CNTFR: variants seen among roughly 807,000 people sequenced by gnomAD.
The protein encoded by CNTFR is ciliary neurotrophic factor receptor, also known as ciliary neurotrophic factor receptor subunit alpha.
CNTFR carries 12 observed loss-of-function variants against 40.4 expected under a neutral mutation model. That is an observed-to-expected ratio of 0.30 (90% CI 0.19 to 0.48). CNTFR has a LOEUF of 0.48. Ranked by LOEUF, CNTFR falls within the 20% of genes least tolerant of loss-of-function variation. The pLI, the probability that CNTFR is intolerant of heterozygous loss-of-function variation, is 0.99. For missense variants in CNTFR, 414 were observed against 506.8 expected (o/e 0.82, Z 1.76); for synonymous variants, 202 against 209.6 (o/e 0.96, Z 0.31).
intron 4 of CNTFR, among the ~76,000 whole-genome samples, chr9:34,561,922 C>G (rs1282211856): frequency 6.6e-6 from 1 of 152,240 alleles, no homozygotes; most frequent in Non-Finnish European, 1.5e-5. Flanking sequence ...CAGCCTTCAT[C>G]TGGCAGCAGG....
chr9:34,567,850 T>C (rs866234549), intron 3 of CNTFR, among the ~76,000 whole-genome samples: 1 of 152,012 alleles, frequency 6.6e-6, no homozygotes, highest in South Asian at 2.1e-4. Flanking sequence ...CTCAGAGAGG[T>C]GGCCTTATGT....
intron 7 of CNTFR, among the ~76,000 whole-genome samples, chr9:34,554,405 C>A (rs1476585680): frequency 6.6e-6 from 1 of 152,158 alleles, no homozygotes; most frequent in East Asian, 1.9e-4. Context: ...ATGTGGCCCC[C>A]AGGAGGTCAG....
intron 2 of CNTFR, among the ~76,000 whole-genome samples, chr9:34,580,770 T>TG (rs1278098591): frequency 4.6e-5 from 7 of 152,308 alleles, no homozygotes; most frequent in Admixed American, 4.6e-4. Flanking sequence ...GAGAGATGTC[T>TG]GGGGGGCAGA....
intron 3 of CNTFR, chr9:34,567,983 A>G (rs1307261436): frequency 6.6e-6 from 1 of 152,222 alleles, no homozygotes; most frequent in Admixed American, 6.5e-5. Context: ...AAGAGGCCAT[A>G]TAAGCCTCGA....
chr9:34,552,074 G>A lies in CNTFR; in HGVS notation c.*-3C>T, dbSNP rs752339351. On this transcript the variant is annotated splice_region_variant and splice_polypyrimidine_tract_variant and intron_variant, in intron 9 of 9. Coordinates refer to ENST00000378980, the MANE Select transcript of CNTFR (RefSeq NM_147164.3). The surrounding 1 kb of genome is among the most constrained non-coding windows in gnomAD (Gnocchi z 5.1). ...ATGTCCTCATGGGGTGCCGGGCTCT[G>A]TAGAGACAGGCAGGGGCCTGTCAGG... The A allele has an allele frequency of 2.6e-6, 4 of 1,540,224 alleles. No individual in the cohort carries two copies. In the East Asian group the frequency reaches 6.8e-5, roughly 26 times the overall value.
In CNTFR at chr9:34,567,135, C is replaced by T. The variant is rs961559845; in HGVS notation, c.85+1762G>A. 2.0e-5 allele frequency among the ~76,000 whole-genome samples: 3 copies of T among 152,008 alleles called. No homozygotes were observed. In the East Asian group the frequency reaches 5.8e-4, roughly 29 times the overall value. On this transcript the variant is annotated intron_variant, in intron 3 of 9. Transcript: ENST00000378980. The stretch of plus-strand genomic sequence containing the variant: ...TGCTCCCGCCCCGTGGGTGCCCCTA[C>T]TGATGTGCTGTCCATTTCAGAAATT...
At chr9:34,563,200 C>T (rs542677456) in intron 4 of CNTFR, among the ~76,000 whole-genome samples, 2 of 152,340 alleles carry the variant, frequency 1.3e-5, no homozygotes, top group African/African-American at 4.8e-5. Context: ...AGGGAGCCGC[C>T]GATCCCTTGC....
At chr9:34,577,983 T>A (rs1006344011) in intron 2 of CNTFR, among the ~76,000 whole-genome samples, 2 of 147,586 alleles carry the variant, frequency 1.4e-5, no homozygotes, top group African/African-American at 5.0e-5. Context: ...GCGGCGGGGG[T>A]GACAAGTCCT....
intron 2 of CNTFR, among the ~76,000 whole-genome samples, chr9:34,578,101 G>C (rs1245241971): frequency 6.6e-6 from 1 of 151,910 alleles, no homozygotes; most frequent in Non-Finnish European, 1.5e-5. Context: ...TGCGGGGCTG[G>C]GGCCCGGGCA....
At chr9:34,555,142 G>A (rs1458836150) in intron 7 of CNTFR, among the ~76,000 whole-genome samples, 3 of 152,238 alleles carry the variant, frequency 2.0e-5, no homozygotes, top group African/African-American at 2.4e-5. Flanking sequence ...GCTCGTTAGC[G>A]GGGGAGGGGG....
At chr9:34,579,763 T>G (rs1827193355) in intron 2 of CNTFR, among the ~76,000 whole-genome samples, 1 of 152,100 alleles carries the variant, frequency 6.6e-6, no homozygotes, top group Non-Finnish European at 1.5e-5. Flanking sequence ...AGATATTCTT[T>G]ATTTCCAAAA....
At chr9:34,580,476 C>T (rs548260929) in intron 2 of CNTFR, among the ~76,000 whole-genome samples, 9 of 152,338 alleles carry the variant, frequency 5.9e-5, no homozygotes, top group Non-Finnish European at 1.3e-4. Flanking sequence ...CCCCTCAGCC[C>T]CCAGCCGGGA....
At chr9:34,561,409 C>T (rs989870488) in intron 4 of CNTFR, among the ~76,000 whole-genome samples, 2 of 152,168 alleles carry the variant, frequency 1.3e-5, no homozygotes, top group Admixed American at 6.5e-5. Flanking sequence ...CAGAACGATA[C>T]AGAATCAGCA....
chr9:34,554,253 G>A (rs534044392), intron 7 of CNTFR, among the ~76,000 whole-genome samples: 39 of 152,212 alleles, frequency 2.6e-4, no homozygotes, highest in African/African-American at 9.4e-4. Context: ...GAGTAGCCAC[G>A]GCTCCTTCGG....
At chr9:34,568,046 C>T (rs1196663428) in intron 3 of CNTFR, 1 of 152,284 alleles carries the variant, frequency 6.6e-6, no homozygotes, top group African/African-American at 2.4e-5. Context: ...GGGTCTGCTC[C>T]ATGCCTGGTC....
chr9:34,559,336 C>T (rs963586989), intron 4 of CNTFR, among the ~76,000 whole-genome samples: 3 of 152,162 alleles, frequency 2.0e-5, no homozygotes, highest in African/African-American at 7.2e-5. Flanking sequence ...CCAGATCTAG[C>T]TTTGCAGCAG....
At chr9:34,554,492 C>G (rs1232557240) in intron 7 of CNTFR, among the ~76,000 whole-genome samples, 3 of 152,150 alleles carry the variant, frequency 2.0e-5, no homozygotes, top group Admixed American at 2.0e-4. Flanking sequence ...TCCTGCCTCT[C>G]AAGAGAAAGG....
intron 1 of CNTFR, among the ~76,000 whole-genome samples, chr9:34,585,481 G>A (rs1333701088): frequency 6.6e-6 from 1 of 152,110 alleles, no homozygotes; most frequent in Non-Finnish European, 1.5e-5. Flanking sequence ...TTGGGAGCTG[G>A]CTGCCCACAG....
chr9:34,565,379 C>G (rs1448527318), intron 3 of CNTFR, among the ~76,000 whole-genome samples: 7 of 152,226 alleles, frequency 4.6e-5, no homozygotes, highest in South Asian at 2.1e-4. Context: ...CCCCCACCTC[C>G]CCCATCTCTC....
Sources: gnomAD v4.1 joint callset for allele counts (sites outside exome capture counted in the v4.1 genomes callset) on GRCh38, gnomAD v4.1.1 for gene constraint, Gnocchi (gnomAD v3.1) non-coding constraint, MANE v1.5 for transcripts, NCBI Gene and HGNC (gene_info 2026-07-23, HGNC 2026-07-21) for gene names.